Variants in SH3RF3 observed in about 807,000 individuals in gnomAD.
SH3RF3 encodes SH3 domain containing ring finger 3, also known as E3 ubiquitin-protein ligase SH3RF3.
SH3RF3 carries 29 observed loss-of-function variants against 66.3 expected under a neutral mutation model. The observed-to-expected ratio is 0.44, with a 90% CI of 0.33 to 0.60. The LOEUF is 0.60. Ranked by LOEUF, SH3RF3 falls within the 20% of genes least tolerant of loss-of-function variation. The probability of loss-of-function intolerance (pLI) is 0.04; values close to 1 mark genes in which losing one functional copy is unlikely to be tolerated. For missense variants in SH3RF3, 1,194 were observed against 1,190.9 expected (o/e 1.00, Z -0.04); for synonymous variants, 583 against 532.0 (o/e 1.10, Z -1.32).
chr2:109,252,043 T>TA (rs1200433548), intron 1 of SH3RF3, among the ~76,000 whole-genome samples: 1 of 151,992 alleles, frequency 6.6e-6, no homozygotes, highest in African/African-American at 2.4e-5. Flanking sequence ...GCTAAGGAGT[T>TA]AGAGATCAGC....
chr2:109,143,256 A>G (rs374371974), intron 1 of SH3RF3, among the ~76,000 whole-genome samples: 2 of 152,352 alleles, frequency 1.3e-5, no homozygotes, highest in African/African-American at 4.8e-5. Context: ...AAGTGAGTCA[A>G]TTTAAAGGAA....
At chr2:109,267,375 G>A (rs527468954) in intron 1 of SH3RF3, among the ~76,000 whole-genome samples, 100 of 152,290 alleles carry the variant, frequency 6.6e-4, no homozygotes, top group Non-Finnish European at 1.1e-3. Context: ...ATCACTGTGC[G>A]CTTTGTACAA....
intron 1 of SH3RF3, among the ~76,000 whole-genome samples, chr2:109,265,071 C>T (rs146982687): frequency 2.9e-3 from 445 of 152,300 alleles, no homozygotes; most frequent in Non-Finnish European, 3.2e-3. Flanking sequence ...CTGCTCCCTG[C>T]AGAGTGAGTG....
chr2:109,189,685 G>A (rs1395285736), intron 1 of SH3RF3, among the ~76,000 whole-genome samples: 5 of 152,046 alleles, frequency 3.3e-5, no homozygotes, highest in African/African-American at 1.2e-4. Context: ...AATGTATTGT[G>A]TAATAATCAA....
At chr2:109,135,636 G>A (rs1676798133) in intron 1 of SH3RF3, among the ~76,000 whole-genome samples, 1 of 152,112 alleles carries the variant, frequency 6.6e-6, no homozygotes, top group South Asian at 2.1e-4. Context: ...TTAAGGGTGT[G>A]TGCGTGTACG....
intron 1 of SH3RF3, among the ~76,000 whole-genome samples, chr2:109,200,436 G>C (rs1343372559): frequency 2.6e-5 from 4 of 152,078 alleles, no homozygotes; most frequent in Admixed American, 2.6e-4. Context: ...TCTGTGTCCT[G>C]TGTGGTCCCT....
chr2:109,423,279 A>G (rs529840010), intron 5 of SH3RF3, among the ~76,000 whole-genome samples: 180 of 152,270 alleles, frequency 1.2e-3, no homozygotes, highest in Non-Finnish European at 2.3e-3. Flanking sequence ...GGTGCAGACC[A>G]GGGTCCCTGG....
intron 1 of SH3RF3, among the ~76,000 whole-genome samples, chr2:109,289,422 T>C (rs1053778626): frequency 1.3e-5 from 2 of 152,158 alleles, no homozygotes; most frequent in African/African-American, 4.8e-5. Flanking sequence ...TGTTGGAACA[T>C]GAGCTTGGAT....
chr2:109,491,356 C>A (rs975416758), intron 9 of SH3RF3, among the ~76,000 whole-genome samples: 1 of 152,192 alleles, frequency 6.6e-6, no homozygotes, highest in Non-Finnish European at 1.5e-5. Context: ...AAGCCTCAAC[C>A]CACTCGGCGT....
rs750304596 is a variant in SH3RF3, at chr2:109,432,573, G to C, written c.1476G>C (p.Arg492=). ...ELELHKGEMY[R]VLEKCQDGWF... Reference sequence around the variant, plus strand: ...AGCTGCACAAGGGAGAGATGTACCGGGTCCTCGAGAAGTGTCAGGATGGCT... The same window carrying C: ...AGCTGCACAAGGGAGAGATGTACCGCGTCCTCGAGAAGTGTCAGGATGGCT... Residue 492 remains arginine (R), a synonymous_variant, in exon 6 of 10, where the codon CGG becomes CGC. Transcript: ENST00000309415. 11 of 1,613,548 alleles carry C rather than the reference G, an allele frequency of 6.8e-6. No homozygotes were observed. The highest frequency in any genetic ancestry group is 1.3e-5 in the African/African-American group (1 of 74,928).
At chr2:109,456,791 G>A (rs560196411) in intron 8 of SH3RF3, among the ~76,000 whole-genome samples, 3 of 152,356 alleles carry the variant, frequency 2.0e-5, no homozygotes, top group Non-Finnish European at 2.9e-5. Flanking sequence ...AGGGCACTGG[G>A]AATGAAACCA....
rs116742416 is a variant in SH3RF3, at chr2:109,233,034, C to T, written c.573+102921C>T. Among the ~76,000 whole-genome samples, 640 of 152,176 alleles carry T rather than the reference C, an allele frequency of 4.2e-3. 3 individuals carry two copies. The highest frequency in any genetic ancestry group is 0.014 in the African/African-American group (592 of 41,520). Reference sequence around the variant, plus strand: ...CAAACCCCTTGCAGGATGGGAAGCACGCAGATGAGTGGGTGCTGGGGCCGG... The same window carrying T: ...CAAACCCCTTGCAGGATGGGAAGCATGCAGATGAGTGGGTGCTGGGGCCGG... On this transcript the variant is annotated intron_variant, in intron 1 of 9. Coordinates refer to ENST00000309415, the MANE Select transcript of SH3RF3 (RefSeq NM_001099289.3).
chr2:109,129,800 G>C lies in SH3RF3; in HGVS notation c.260G>C (p.Cys87Ser), dbSNP rs1378528507. ...CGCCGCTGCCTGGAGAGCATCGTGT[G>C]CTCGCGCCACGAGCTGCGCTGCCCC... The part of the protein sequence containing the change: ...FCRRCLESIV[C>S]SRHELRCPEC... The change falls in exon 1 of 10, where the codon TGC becomes TCC. Residue 87 changes from cysteine (C) to serine (S), a missense_variant. Transcript: ENST00000309415. 3 of 1,538,646 alleles carry C rather than the reference G, an allele frequency of 1.9e-6. No homozygotes were observed. The highest frequency in any genetic ancestry group is 2.8e-5 in the African/African-American group (2 of 72,468).
At chr2:109,199,393 T>TCAACCCGA (rs1678589829) in intron 1 of SH3RF3, among the ~76,000 whole-genome samples, 1 of 14,230 alleles carries the variant, frequency 7.0e-5, no homozygotes, top group Non-Finnish European at 2.3e-4. Flanking sequence ...TGGAATGGAA[T>TCAACCCGA]GGAATGGAAT....
chr2:109,144,086 T>A (rs968674104), intron 1 of SH3RF3, among the ~76,000 whole-genome samples: 2 of 152,196 alleles, frequency 1.3e-5, no homozygotes, highest in Non-Finnish European at 2.9e-5. Context: ...GAGTAACACT[T>A]TCAGTTATAA....
intron 1 of SH3RF3, among the ~76,000 whole-genome samples, chr2:109,147,207 A>G (rs747658028): frequency 1.3e-5 from 2 of 152,092 alleles, no homozygotes; most frequent in Non-Finnish European, 2.9e-5. Flanking sequence ...GGATGCCTGG[A>G]CTTTCTTGGA....
At chr2:109,438,749 T>G (rs1338410970) in intron 7 of SH3RF3, among the ~76,000 whole-genome samples, 1 of 152,186 alleles carries the variant, frequency 6.6e-6, no homozygotes, top group Non-Finnish European at 1.5e-5. Flanking sequence ...GATACAGTCA[T>G]TGCAGTTGGC....
chr2:109,327,635 C>T (rs1682189732), intron 1 of SH3RF3, among the ~76,000 whole-genome samples: 1 of 152,114 alleles, frequency 6.6e-6, no homozygotes, highest in South Asian at 2.1e-4. Flanking sequence ...TTATTTAGGC[C>T]ATCTTTAATA....
At chr2:109,393,927 G>T (rs1286370544) in intron 3 of SH3RF3, among the ~76,000 whole-genome samples, 3 of 151,222 alleles carry the variant, frequency 2.0e-5, no homozygotes, top group Non-Finnish European at 4.4e-5. Context: ...CAGGGATTTG[G>T]GGTGACTATA....
Sources: allele counts gnomAD v4.1 joint callset (sites outside exome capture counted in the v4.1 genomes callset), GRCh38; gene constraint gnomAD v4.1.1; transcripts MANE v1.5; gene names NCBI Gene and HGNC (gene_info 2026-07-23, HGNC 2026-07-21).